Variants in MDGA2 observed in about 807,000 individuals in gnomAD.
MDGA2 encodes MAM domain containing glycosylphosphatidylinositol anchor 2, also known as MAM domain-containing glycosylphosphatidylinositol anchor protein 2.
A neutral mutation model predicts 117.8 loss-of-function variants in MDGA2; 40 were observed. That is an observed-to-expected ratio of 0.34 (90% CI 0.26 to 0.44). The LOEUF (loss-of-function observed/expected upper bound fraction) is 0.44. MDGA2 is among the 20% of genes least tolerant of loss of function. The pLI is 1.00. For missense variants in MDGA2, 1,123 were observed against 1,250.6 expected (o/e 0.90, Z 1.54); for synonymous variants, 452 against 439.0 (o/e 1.03, Z -0.37).
chr14:47,052,094 TACTC>T (rs767256743), intron 7 of MDGA2, among the ~76,000 whole-genome samples: 4 of 151,912 alleles, frequency 2.6e-5, no homozygotes, highest in East Asian at 1.9e-4. Context: ...AATACATCAT[TACTC>T]ACTGTTATCA....
chr14:46,928,454 T>C (rs1375339578), intron 9 of MDGA2, among the ~76,000 whole-genome samples: 1 of 152,152 alleles, frequency 6.6e-6, no homozygotes, highest in East Asian at 1.9e-4. Flanking sequence ...TTAGATTGCC[T>C]CTTCTTTGTA....
intron 4 of MDGA2, among the ~76,000 whole-genome samples, chr14:47,136,919 G>C (rs1156985193): frequency 6.6e-6 from 1 of 152,190 alleles, no homozygotes; most frequent in Non-Finnish European, 1.5e-5. Flanking sequence ...CCATAGCAGA[G>C]CTGAACAGTC....
intron 1 of MDGA2, among the ~76,000 whole-genome samples, chr14:47,491,698 C>T (rs1894172990): frequency 6.6e-6 from 1 of 151,602 alleles, no homozygotes; most frequent in South Asian, 2.1e-4. Context: ...TTTTTCTCCC[C>T]AAGAATACCA....
intron 8 of MDGA2, among the ~76,000 whole-genome samples, chr14:47,018,496 T>C (rs1333748085): frequency 6.6e-6 from 1 of 152,050 alleles, no homozygotes; most frequent in Non-Finnish European, 1.5e-5. Context: ...GTTCTGCCTC[T>C]TGGCCTTAGA....
At chr14:47,642,649 GTATCTATC>G (rs147439757) in intron 1 of MDGA2, among the ~76,000 whole-genome samples, 7 of 151,874 alleles carry the variant, frequency 4.6e-5, no homozygotes, top group South Asian at 2.1e-4. Context: ...CCCTATCTAT[GTATCTATC>G]TATCTATCTA....
intron 10 of MDGA2, among the ~76,000 whole-genome samples, chr14:46,918,771 T>C (rs896420996): frequency 5.3e-5 from 8 of 150,826 alleles, no homozygotes; most frequent in Non-Finnish European, 1.0e-4. Context: ...TTTTTTTTTT[T>C]TTTTTTGGAA....
chr14:46,844,792 A>G (rs1266726923), intron 16 of MDGA2, among the ~76,000 whole-genome samples: 1 of 152,136 alleles, frequency 6.6e-6, no homozygotes, highest in East Asian at 1.9e-4. Context: ...GTGAGAGACC[A>G]GGTGGAGGTA....
rs141829145 is a variant in MDGA2 at position 47,001,323 on chromosome 14, A to G, written c.1819+33688T>C. On this transcript the variant is annotated intron_variant, in intron 8 of 16. Transcript: ENST00000399232. Reference sequence around the variant, plus strand: ...GTGCTCTGTGAAATAGGATATCTTAATAAGAAATTGAGTTCTGTAAAATAG... The same window carrying G: ...GTGCTCTGTGAAATAGGATATCTTAGTAAGAAATTGAGTTCTGTAAAATAG... Among the ~76,000 whole-genome samples the G allele has an allele frequency of 1.2e-3, 183 of 152,290 alleles. 1 individual carries two copies. The highest frequency in any genetic ancestry group is 4.2e-3 in the African/African-American group (175 of 41,582).
At chr14:47,381,941 A>G (rs1477483092) in intron 1 of MDGA2, among the ~76,000 whole-genome samples, 1 of 152,226 alleles carries the variant, frequency 6.6e-6, no homozygotes, top group Admixed American at 6.5e-5. Context: ...TGGAGGCATC[A>G]CACTACCTGA....
At chr14:47,457,531 G>C (rs991130018) in intron 1 of MDGA2, among the ~76,000 whole-genome samples, 4 of 152,160 alleles carry the variant, frequency 2.6e-5, no homozygotes, top group African/African-American at 9.7e-5. Context: ...TGTTTAGAGA[G>C]AGAGGAGATA....
chr14:47,380,265 G>A (rs7160330), intron 1 of MDGA2, among the ~76,000 whole-genome samples: 109,858 of 151,976 alleles, frequency 0.72, 39,957 homozygotes, highest in Middle Eastern at 0.82. Flanking sequence ...ACAAGAGAAA[G>A]CAGGAAAGAT....
At chr14:47,642,272 T>C (rs569708579) in intron 1 of MDGA2, among the ~76,000 whole-genome samples, 4 of 152,236 alleles carry the variant, frequency 2.6e-5, no homozygotes, top group African/African-American at 7.2e-5. Flanking sequence ...TGGACTCTTA[T>C]GAGAATTAAC....
intron 1 of MDGA2, among the ~76,000 whole-genome samples, chr14:47,392,170 T>C (rs1263788886): frequency 6.6e-6 from 1 of 151,996 alleles, no homozygotes; most frequent in Non-Finnish European, 1.5e-5. Context: ...AGAAAATAAA[T>C]AAATAGATAA....
intron 12 of MDGA2, among the ~76,000 whole-genome samples, chr14:46,876,090 A>G (rs1882216892): frequency 6.6e-6 from 1 of 151,540 alleles, no homozygotes; most frequent in Non-Finnish European, 1.5e-5. Context: ...TTCATCGTTT[A>G]GGTTATTTTA....
chr14:47,504,766 C>T (rs1186385339), intron 1 of MDGA2, among the ~76,000 whole-genome samples: 1 of 152,070 alleles, frequency 6.6e-6, no homozygotes, highest in Non-Finnish European at 1.5e-5. Context: ...CTAGTACAGC[C>T]ATTATGGAAA....
At chr14:47,459,429 TGA>T (rs1893434455) in intron 1 of MDGA2, among the ~76,000 whole-genome samples, 2 of 151,740 alleles carry the variant, frequency 1.3e-5, no homozygotes, top group African/African-American at 2.4e-5. Flanking sequence ...TTTTCAGAAT[TGA>T]GAGATAGATT....
chr14:47,544,912 A>C (rs1471169349), intron 1 of MDGA2, among the ~76,000 whole-genome samples: 1 of 152,242 alleles, frequency 6.6e-6, no homozygotes, highest in Non-Finnish European at 1.5e-5. Flanking sequence ...TATTTTTAAA[A>C]GTAAAACAAT....
chr14:47,526,632 G>A (rs2138723445), intron 1 of MDGA2, among the ~76,000 whole-genome samples: 1 of 152,132 alleles, frequency 6.6e-6, no homozygotes, highest in East Asian at 1.9e-4. Context: ...CCCTACACTT[G>A]TGTAGTGTAA....
intron 5 of MDGA2, among the ~76,000 whole-genome samples, chr14:47,111,665 A>T (rs1025894129): frequency 2.0e-5 from 3 of 152,178 alleles, no homozygotes; most frequent in African/African-American, 4.8e-5. Context: ...AAATTCTCAG[A>T]ATCTAAGAGG....
Sources: allele counts gnomAD v4.1 joint callset (sites outside exome capture counted in the v4.1 genomes callset), GRCh38; gene constraint gnomAD v4.1.1; transcripts MANE v1.5; gene names NCBI Gene and HGNC (gene_info 2026-07-23, HGNC 2026-07-21).